WDTC1: variants seen among roughly 807,000 people sequenced by gnomAD.
The protein encoded by WDTC1 is WD and tetratricopeptide repeats 1.
A neutral mutation model predicts 76.0 loss-of-function variants in WDTC1; 12 were observed. The ratio of observed to expected loss-of-function variants is 0.16; its 90% confidence interval spans 0.10 to 0.26. The LOEUF is 0.26. Among genes scored for constraint, WDTC1 ranks in the 10% least tolerant of loss-of-function variants. WDTC1 has a pLI of 1.00. For missense variants in WDTC1, 511 were observed against 908.8 expected (o/e 0.56, Z 5.63); for synonymous variants, 326 against 350.8 (o/e 0.93, Z 0.79).
At chr1:27,272,055 G>T (rs2012884829) in intron 3 of WDTC1, among the ~76,000 whole-genome samples, 1 of 150,822 alleles carries the variant, frequency 6.6e-6, no homozygotes, top group Non-Finnish European at 1.5e-5. Context: ...AGACCAGCCT[G>T]GCCAACATGG....
At chr1:27,245,759 G>A (rs532106742) in intron 1 of WDTC1, among the ~76,000 whole-genome samples, 4 of 151,402 alleles carry the variant, frequency 2.6e-5, no homozygotes, top group Admixed American at 2.6e-4. Context: ...TAGTAGAGAC[G>A]AGCTTTCACC....
intron 10 of WDTC1, 123 bp from the exon 11 acceptor site, chr1:27,296,925 A>G: frequency 1.2e-6 from 1 of 851,632 alleles, no homozygotes; most frequent in South Asian, 1.5e-5. Context: ...AATGGATCTT[A>G]CTCTGGGAGA....
intron 1 of WDTC1, among the ~76,000 whole-genome samples, chr1:27,253,320 C>T (rs1257664447): frequency 6.6e-6 from 1 of 150,830 alleles, no homozygotes; most frequent in Non-Finnish European, 1.5e-5. Flanking sequence ...CGGCCGGCCT[C>T]CTCTCTGTTT....
rs1345027042 is a variant in WDTC1, at chr1:27,301,362, G to A, written c.1369G>A (p.Asp457Asn). The stretch of plus-strand genomic sequence containing the variant: ...TGTGGCTGAAGCCCTGGAGTGCCTG[G>A]ACGACTTCAAAGGGAAATTTCCGGA... ...KYVAEALECL[D>N]DFKGKFPEQA... The change falls in exon 13 of 16, where the codon GAC (aspartate) becomes AAC (asparagine). Residue 457 changes from aspartate to asparagine, a missense_variant. Coordinates refer to ENST00000319394, the MANE Select transcript of WDTC1 (RefSeq NM_001276252.2). This position sits in a 1 kb window ranked among gnomAD's most constrained non-coding sequence, Gnocchi z 5.8. 1 of 1,614,196 alleles carries A rather than the reference G, an allele frequency of 6.2e-7. No individual in the cohort carries two copies. Among genetic ancestry groups the A allele is most frequent in the East Asian group, 2.2e-5 (1 of 44,880 alleles).
chr1:27,268,863 C>CGT lies in WDTC1; in HGVS notation c.132+5629_132+5630insTG, dbSNP rs1489464173. ...CCAAGTAGCTGGGACTACAGGTGCA[C>CGT]GCCACCACACCCAGCTAATTTTTGT... On this transcript the variant is annotated intron_variant, in intron 3 of 15. Coordinates refer to ENST00000319394, the MANE Select transcript of WDTC1 (RefSeq NM_001276252.2). 8.6e-5 allele frequency among the ~76,000 whole-genome samples: 13 copies of CGT among 150,934 alleles called. No individual in the cohort carries two copies. The East Asian group carries it at 9.9e-4, about 12-fold the overall frequency.
Position 27,301,235 on chromosome 1 carries a change from C to A in WDTC1, c.1242C>A (p.Asp414Glu). Residue 414 changes from aspartate to glutamate, a missense_variant, in exon 13 of 16, where the codon GAC becomes GAA. By Grantham distance (45) the Asp-to-Glu change is conservative. Transcript: ENST00000319394. This position sits in a 1 kb window ranked among gnomAD's most constrained non-coding sequence, Gnocchi z 5.8. The part of the protein sequence containing the change: ...AAYMKRKWDG[D>E]HYDALRDCLK... ...TTCCCTGCCTTCCCAGGGATGGTGA[C>A]CACTATGATGCCCTGAGGGACTGCC... The A allele has an allele frequency of 6.2e-7, 1 of 1,613,942 alleles. No individual in the cohort carries two copies. The highest frequency in any genetic ancestry group is 8.5e-7 in the Non-Finnish European group (1 of 1,179,978).
At chr1:27,257,773 C>T (rs1339833328) in intron 1 of WDTC1, among the ~76,000 whole-genome samples, 2 of 151,960 alleles carry the variant, frequency 1.3e-5, no homozygotes, top group Non-Finnish European at 2.9e-5. Context: ...AGGGAAGGTT[C>T]TTGCCTGTTT....
intron 1 of WDTC1, among the ~76,000 whole-genome samples, chr1:27,244,019 C>T (rs939451929): frequency 1.3e-5 from 2 of 150,798 alleles, no homozygotes; most frequent in African/African-American, 2.4e-5. Flanking sequence ...GGTGCATGCC[C>T]GTGGTCCCAA....
At chr1:27,304,834 A>G (rs925165601) in intron 14 of WDTC1, 167 bp from the exon 15 acceptor site, 5 of 626,426 alleles carry the variant, frequency 8.0e-6, no homozygotes, top group Non-Finnish European at 1.1e-5. Flanking sequence ...AACAGTGACC[A>G]GGGCTATATA....
chr1:27,306,307 G>A lies in WDTC1; in HGVS notation c.1958G>A (p.Gly653Asp). 1 of 1,614,038 alleles carries A rather than the reference G, an allele frequency of 6.2e-7. No homozygotes were observed. Among genetic ancestry groups the A allele is most frequent in the Non-Finnish European group, 8.5e-7 (1 of 1,179,996 alleles). ...MLLNMGYRIT[G>D]LSSGGAGASD... is the part of the protein sequence containing the mutation. The stretch of plus-strand genomic sequence containing the variant: ...CTCAACATGGGCTACCGGATCACGG[G>A]CCTGAGCAGTGGGGGTGCCGGGGCC... Residue 653 changes from glycine to aspartate, a missense_variant, in exon 16 of 16, where the codon GGC (glycine) becomes GAC (aspartate). By Grantham distance (94) the Gly-to-Asp change is moderately conservative (BLOSUM62 -1). Coordinates refer to ENST00000319394, the MANE Select transcript of WDTC1 (RefSeq NM_001276252.2). The surrounding 1 kb of genome is among the most constrained non-coding windows in gnomAD (Gnocchi z 5.0).
intron 1 of WDTC1, among the ~76,000 whole-genome samples, chr1:27,250,851 G>A (rs1300582862): frequency 6.7e-6 from 1 of 149,014 alleles, no homozygotes; most frequent in Non-Finnish European, 1.5e-5. Flanking sequence ...AAATCGAGCT[G>A]TTAATTGACT....
At chr1:27,275,978 C>T (rs7547618) in intron 3 of WDTC1, among the ~76,000 whole-genome samples, 130,440 of 152,226 alleles carry the variant, frequency 0.86, 57,596 homozygotes, top group East Asian at 0.98. Context: ...GAACATTTCA[C>T]GTAAATGAAA....
intron 1 of WDTC1, among the ~76,000 whole-genome samples, chr1:27,248,593 G>C (rs1413021339): frequency 6.6e-6 from 1 of 152,060 alleles, no homozygotes; most frequent in African/African-American, 2.4e-5. Context: ...CCATCCTATA[G>C]GTTGTCTGTT....
intron 12 of WDTC1, 27 bp downstream of exon 12, chr1:27,298,138 G>T: frequency 6.4e-7 from 1 of 1,553,616 alleles, no homozygotes; most frequent in Non-Finnish European, 8.7e-7. Context: ...GAGGGGATCT[G>T]GGTCAGGATG....
At chr1:27,243,169 AG>A (rs2011683223) in intron 1 of WDTC1, among the ~76,000 whole-genome samples, 1 of 150,578 alleles carries the variant, frequency 6.6e-6, no homozygotes, top group Non-Finnish European at 1.5e-5. Context: ...CTGATATTAC[AG>A]GTGTGAGCCG....
At chr1:27,272,247 A>T (rs1322162578) in intron 3 of WDTC1, among the ~76,000 whole-genome samples, 3 of 147,870 alleles carry the variant, frequency 2.0e-5, no homozygotes, top group African/African-American at 4.9e-5. Context: ...ACTCTGTCTT[A>T]AAAAAAAAAA....
chr1:27,250,019 T>C (rs2011983675), intron 1 of WDTC1, among the ~76,000 whole-genome samples: 3 of 152,136 alleles, frequency 2.0e-5, no homozygotes, highest in Admixed American at 1.3e-4. Context: ...TACAATGAAA[T>C]ACCCCTTGTC....
In WDTC1 at chr1:27,305,208, C is replaced by T. The variant is rs570722839; in HGVS notation, c.1836+15C>T. 6.6e-5 allele frequency: 107 copies of T among 1,610,708 alleles called. No individual in the cohort carries two copies. The highest frequency in any genetic ancestry group is 7.6e-5 in the Non-Finnish European group (89 of 1,178,724). ...CCCGACCAGAGGTGAGGGTGCAGAG[C>T]CAAGCAGAGAGGAGGGCAGGGACTC... is the stretch of plus-strand genomic sequence containing the variant. On this transcript the variant is annotated intron_variant, in intron 15 of 15. Transcript: ENST00000319394. The surrounding 1 kb of genome is among the most constrained non-coding windows in gnomAD (Gnocchi z 4.6).
Position 27,259,272 on chromosome 1 carries a change from A to G in WDTC1, c.-99-1684A>G, listed in dbSNP as rs188435137. 2.1e-5 allele frequency among the ~76,000 whole-genome samples: 3 copies of G among 146,190 alleles called. No individual in the cohort carries two copies. The Admixed American group carries it at 2.1e-4, about 10-fold the overall frequency. ...ACTCCCGGGCTCAAGTGATCTTCCG[A>G]CCTCAGCCTCCTGAGTAGCTGGGAC... On this transcript the variant is annotated intron_variant, in intron 1 of 15. Coordinates refer to ENST00000319394, the MANE Select transcript of WDTC1 (RefSeq NM_001276252.2).
Sources: allele counts gnomAD v4.1 joint callset (sites outside exome capture counted in the v4.1 genomes callset), GRCh38; gene constraint gnomAD v4.1.1; non-coding constraint Gnocchi (gnomAD v3.1); transcripts MANE v1.5; gene names NCBI Gene and HGNC (gene_info 2026-07-23, HGNC 2026-07-21).